Variants in ZFHX3 observed in about 807,000 individuals in gnomAD.
The protein encoded by ZFHX3 is zinc finger homeobox protein 3.
A neutral mutation model predicts 279.1 loss-of-function variants in ZFHX3; 42 were observed. That is an observed-to-expected ratio of 0.15 (90% CI 0.12 to 0.19). The LOEUF (loss-of-function observed/expected upper bound fraction) is 0.19. Among genes scored for constraint, ZFHX3 ranks in the 10% least tolerant of loss-of-function variants. The probability of loss-of-function intolerance (pLI) is 1.00; values close to 1 mark genes in which losing one functional copy is unlikely to be tolerated. For missense variants in ZFHX3, 4,981 were observed against 4,754.0 expected (o/e 1.05, Z -1.40); for synonymous variants, 2,293 against 1,957.8 (o/e 1.17, Z -4.52).
intron 1 of ZFHX3, among the ~76,000 whole-genome samples, chr16:73,811,365 G>A (rs959925407): frequency 1.3e-5 from 2 of 151,908 alleles, no homozygotes; most frequent in African/African-American, 4.8e-5. Flanking sequence ...CAATTTCCCA[G>A]GGCACATCAG....
chr16:73,127,236 G>C, intron 7 of ZFHX3: 1 of 868,308 alleles, frequency 1.2e-6, no homozygotes, highest in Non-Finnish European at 1.6e-6. Context: ...ACAGCGGTTA[G>C]TATCGATCAG....
intron 6 of ZFHX3, among the ~76,000 whole-genome samples, chr16:73,138,927 G>A (rs546999152): frequency 5.3e-5 from 8 of 152,120 alleles, no homozygotes; most frequent in South Asian, 2.1e-4. Flanking sequence ...CTAGGCTTAC[G>A]CAATCCTCCT....
At chr16:72,945,526 G>A (rs1430366464) in intron 3 of ZFHX3, among the ~76,000 whole-genome samples, 1 of 152,136 alleles carries the variant, frequency 6.6e-6, no homozygotes, top group East Asian at 1.9e-4. Flanking sequence ...GGGCATGCAG[G>A]CGAAATCTGC....
chr16:73,216,325 C>T (rs2012206669), intron 5 of ZFHX3, among the ~76,000 whole-genome samples: 1 of 152,178 alleles, frequency 6.6e-6, no homozygotes, highest in African/African-American at 2.4e-5. Context: ...CATTCAAGGT[C>T]CCCAGCAATC....
At chr16:73,462,846 T>C (rs2018495735) in intron 2 of ZFHX3, among the ~76,000 whole-genome samples, 1 of 152,214 alleles carries the variant, frequency 6.6e-6, no homozygotes, top group African/African-American at 2.4e-5. Context: ...TTTGCCTCTA[T>C]GTTCATGGGG....
At chr16:72,955,828 G>A (rs1961228557) in intron 2 of ZFHX3, among the ~76,000 whole-genome samples, 1 of 146,788 alleles carries the variant, frequency 6.8e-6, no homozygotes, top group East Asian at 2.0e-4. Context: ...ACCTACCCAC[G>A]TTCCCACGTT....
At chr16:73,494,241 GA>G (rs1248083033) in intron 2 of ZFHX3, among the ~76,000 whole-genome samples, 1 of 152,188 alleles carries the variant, frequency 6.6e-6, no homozygotes, top group African/African-American at 2.4e-5. Context: ...CATCAATACG[GA>G]CGGAGCGGTT....
At chr16:72,989,645 C>G (rs563800486) in intron 1 of ZFHX3, among the ~76,000 whole-genome samples, 1 of 152,254 alleles carries the variant, frequency 6.6e-6, no homozygotes, top group South Asian at 2.1e-4. Flanking sequence ...ACTCATCTTT[C>G]CAGGGCAGAA....
intron 1 of ZFHX3, among the ~76,000 whole-genome samples, chr16:73,685,838 C>T (rs563239827): frequency 2.6e-5 from 4 of 152,076 alleles, no homozygotes; most frequent in Admixed American, 6.6e-5. Flanking sequence ...TATGAGCACC[C>T]GACAATGTGA....
rs1006317114 is a variant in ZFHX3 at position 73,762,420 on chromosome 16, G to A, written c.-1607-82180C>T. 6.6e-5 allele frequency among the ~76,000 whole-genome samples: 10 copies of A among 152,288 alleles called. No individual in the cohort carries two copies. The East Asian group carries it at 1.5e-3, about 23-fold the overall frequency. ...CAACCATTGTGGAAGACAGTGTGGC[G>A]ATTCCTTAAAGATCTAAAACCAGAA... On this transcript the variant is annotated intron_variant, in intron 1 of 17. Coordinates refer to the ZFHX3 transcript ENST00000641206.
At chr16:73,250,304 T>C (rs1242432135) in intron 5 of ZFHX3, among the ~76,000 whole-genome samples, 2 of 152,242 alleles carry the variant, frequency 1.3e-5, no homozygotes, top group Non-Finnish European at 2.9e-5. Context: ...CATAAGCATA[T>C]CTGTCATGTA....
chr16:73,103,006 C>A (rs1242391091), intron 7 of ZFHX3, among the ~76,000 whole-genome samples: 1 of 152,044 alleles, frequency 6.6e-6, no homozygotes, highest in African/African-American at 2.4e-5. Context: ...CTCACTGCAA[C>A]CTGCACCTCC....
At chr16:73,090,738 AC>A (rs1281723227) in intron 8 of ZFHX3, among the ~76,000 whole-genome samples, 6 of 151,206 alleles carry the variant, frequency 4.0e-5, no homozygotes, top group South Asian at 4.2e-4. Flanking sequence ...AAAAAAAAAA[AC>A]AAAACAAAAA....
intron 2 of ZFHX3, among the ~76,000 whole-genome samples, chr16:73,477,389 T>C (rs1024246886): frequency 1.3e-5 from 2 of 152,244 alleles, no homozygotes; most frequent in African/African-American, 2.4e-5. Flanking sequence ...TTTTTGGAGC[T>C]GATGGCTGCC....
chr16:73,138,363 A>G (rs550805634), intron 6 of ZFHX3, among the ~76,000 whole-genome samples: 12 of 152,158 alleles, frequency 7.9e-5, no homozygotes, highest in Non-Finnish European at 1.6e-4. Flanking sequence ...AAGGAAATCC[A>G]TTCAAGAGGA....
chr16:73,478,401 T>G (rs934500586), intron 2 of ZFHX3, among the ~76,000 whole-genome samples: 8 of 152,164 alleles, frequency 5.3e-5, no homozygotes, highest in African/African-American at 1.7e-4. Context: ...TCTTCCCTGC[T>G]AGTTTATTTT....
chr16:73,856,860 A>C (rs1290293415), intron 1 of ZFHX3, among the ~76,000 whole-genome samples: 1 of 152,270 alleles, frequency 6.6e-6, no homozygotes, highest in Admixed American at 6.5e-5. Flanking sequence ...AACTGTATAA[A>C]GCATACAGAA....
intron 2 of ZFHX3, among the ~76,000 whole-genome samples, chr16:73,582,089 A>T (rs2051868197): frequency 6.6e-6 from 1 of 151,920 alleles, no homozygotes; most frequent in Non-Finnish European, 1.5e-5. Context: ...TGGTAGCATA[A>T]TTATACTATA....
chr16:73,303,906 C>T (rs1423168070), intron 4 of ZFHX3, among the ~76,000 whole-genome samples: 1 of 139,878 alleles, frequency 7.1e-6, no homozygotes, highest in Non-Finnish European at 1.5e-5. Context: ...AAGACATTGG[C>T]TCTGAATCAC....
Sources: allele counts gnomAD v4.1 joint callset (sites outside exome capture counted in the v4.1 genomes callset), GRCh38; gene constraint gnomAD v4.1.1; transcripts MANE v1.5; gene names NCBI Gene and HGNC (gene_info 2026-07-23, HGNC 2026-07-21).